The following RAB44 variants were observed in gnomAD, a reference collection of about 807,000 sequenced individuals.
RAB44 encodes the protein RAB44, member RAS oncogene family.
RAB44 carries 67 observed loss-of-function variants against 93.3 expected under a neutral mutation model. That is an observed-to-expected ratio of 0.72 (90% confidence interval 0.59 to 0.88). The LOEUF is 0.88. Among genes scored for constraint, RAB44 ranks in the 40% least tolerant of loss-of-function variants. The pLI, the probability that RAB44 is intolerant of heterozygous loss-of-function variation, is 0.00. For missense variants in RAB44, 1,064 were observed against 1,261.7 expected, an observed-to-expected ratio of 0.84 and a Z score of 2.37; for synonymous variants, 427 against 520.3, an observed-to-expected ratio of 0.82 and a Z score of 2.44.
At chr6:36,720,061 C>A (rs770148403) in intron 7 of RAB44, among the ~76,000 whole-genome samples, 1 of 152,168 alleles carries the variant, frequency 6.6e-6, no homozygotes, top group Non-Finnish European at 1.5e-5. Flanking sequence ...CACTGTAGGG[C>A]GCTGAGTAGA....
intron 2 of RAB44, among the ~76,000 whole-genome samples, chr6:36,706,247 T>G (rs1762647935): frequency 6.6e-6 from 1 of 152,162 alleles, no homozygotes; most frequent in African/African-American, 2.4e-5. Context: ...AGTGACCAAC[T>G]GCTCCAGTTT....
intron 2 of RAB44, among the ~76,000 whole-genome samples, chr6:36,710,860 G>A (rs1224684804): frequency 6.6e-6 from 1 of 152,160 alleles, no homozygotes; most frequent in Admixed American, 6.5e-5. Context: ...CTGACCTCAG[G>A]TGATCCACTT....
At chr6:36,704,702 T>A (rs1260989976) in intron 2 of RAB44, among the ~76,000 whole-genome samples, 1 of 152,230 alleles carries the variant, frequency 6.6e-6, no homozygotes, top group Non-Finnish European at 1.5e-5. Context: ...ATGGTATAAT[T>A]TTAGACTCAT....
chr6:36,722,476 C>T lies in RAB44; in HGVS notation c.2342C>T (p.Thr781Ile). Residue 781 changes from threonine to isoleucine, a missense_variant, in exon 9 of 14, where the codon ACT (threonine) becomes ATT (isoleucine). Physicochemically the swap from Thr to Ile is moderately conservative, Grantham distance 89. Coordinates refer to ENST00000612677, the MANE Select transcript of RAB44 (RefSeq NM_001257357.2). ...QEAQPRPSLT[T>I]AHAEEQGPPH... ...GCCCAACCCAGGCCATCCCTCACGA[C>T]TGCTCACGCAGAAGAACAAGGCCCG... is the stretch of plus-strand genomic sequence containing the variant. 1.4e-6 allele frequency: 2 copies of T among 1,470,146 alleles called. No individual in the cohort carries two copies. Among genetic ancestry groups the T allele is most frequent in the Non-Finnish European group, 1.8e-6 (2 of 1,112,122 alleles). 91.1% of individuals were successfully genotyped at this position (1,470,146 alleles called of 1,614,324 possible).
rs1762962752 is a variant in RAB44, at chr6:36,717,805, C to T, written c.642-223C>T. 6.6e-6 allele frequency among the ~76,000 whole-genome samples: 1 copy of T among 152,060 alleles called. No homozygotes were observed. The highest frequency in any genetic ancestry group is 2.1e-4 in the South Asian group (1 of 4,810). On this transcript the variant is annotated intron_variant, in intron 5 of 13. Coordinates refer to ENST00000612677, the MANE Select transcript of RAB44 (RefSeq NM_001257357.2). This position sits in a 1 kb window ranked among gnomAD's most constrained non-coding sequence, Gnocchi z 4.1. ...TGGCCAGGGGAACTGGTGACGGTTA[C>T]AAGGGTCGGCGTGGTAGGATCAGCA...
chr6:36,725,238 C>T (rs1045259862), intron 9 of RAB44, among the ~76,000 whole-genome samples: 26 of 152,186 alleles, frequency 1.7e-4, no homozygotes, highest in Admixed American at 2.6e-4. Context: ...TGCAGCTGCG[C>T]GATCTCGGCT....
intron 12 of RAB44, among the ~76,000 whole-genome samples, chr6:36,729,226 T>G (rs1395089037): frequency 6.6e-6 from 1 of 152,182 alleles, no homozygotes; most frequent in Non-Finnish European, 1.5e-5. Flanking sequence ...ACTCAAATTC[T>G]CCCTTGGGAT....
In RAB44 at chr6:36,714,071, A is replaced by G. The variant is rs1582624089; in HGVS notation, c.319+132A>G. ...TTCACCCCCCATCCCCGGCTGCCAC[A>G]GTGGTCCGGGGCCCTCCCCTGTGCA... On this transcript the variant is annotated intron_variant, in intron 3 of 13. Coordinates refer to ENST00000612677, the MANE Select transcript of RAB44 (RefSeq NM_001257357.2). 4 of 655,046 alleles carry G rather than the reference A, an allele frequency of 6.1e-6. No individual in the cohort carries two copies. The East Asian group carries it at 8.3e-5, about 14-fold the overall frequency. 40.6% of individuals were successfully genotyped at this position (655,046 alleles called of 1,614,324 possible).
At chr6:36,715,118 T>TATATATATA (rs1562058557) in intron 3 of RAB44, among the ~76,000 whole-genome samples, 1 of 151,614 alleles carries the variant, frequency 6.6e-6, no homozygotes, top group African/African-American at 2.4e-5. Flanking sequence ...TATATATATA[T>TATATATATA]TCTTTTCAAC....
In RAB44 at chr6:36,720,505, A is replaced by G; in HGVS notation, c.971A>G (p.Asp324Gly). The change falls in exon 8 of 14, where the codon GAC becomes GGC. Residue 324 changes from aspartate to glycine, a missense_variant. Coordinates refer to ENST00000612677, the MANE Select transcript of RAB44 (RefSeq NM_001257357.2). Reference protein sequence around the residue: ...GQLQVTRGRLDAARGRVSWQV... With the variant: ...GQLQVTRGRLGAARGRVSWQV... Reference sequence around the variant, plus strand: ...CTGCAGGTGACCAGGGGGCGCCTGGACGCCGCCAGGGGCCGGGTGTCCTGG... The same window carrying G: ...CTGCAGGTGACCAGGGGGCGCCTGGGCGCCGCCAGGGGCCGGGTGTCCTGG... 1.6e-6 allele frequency: 2 copies of G among 1,233,462 alleles called. No individual in the cohort carries two copies. The highest frequency in any genetic ancestry group is 2.0e-6 in the Non-Finnish European group (2 of 988,220). The allele number at this position is 1,233,462 out of a possible 1,614,324, so 76.4% of individuals were successfully genotyped here. A position where few individuals can be genotyped will look rare whatever the true frequency, so the allele number is the denominator to read the frequency against.
At chr6:36,701,094 C>T (rs954894407) in intron 1 of RAB44, among the ~76,000 whole-genome samples, 1 of 152,088 alleles carries the variant, frequency 6.6e-6, no homozygotes, top group Non-Finnish European at 1.5e-5. Flanking sequence ...GGCTTTTTTG[C>T]CTCCCTGCTT....
chr6:36,701,405 G>C (rs1762505227), intron 1 of RAB44, among the ~76,000 whole-genome samples: 1 of 152,156 alleles, frequency 6.6e-6, no homozygotes, highest in Non-Finnish European at 1.5e-5. Context: ...ACTGTGTCTG[G>C]CCGTGATATT....
chr6:36,700,894 G>A (rs934322966), intron 1 of RAB44, among the ~76,000 whole-genome samples: 2 of 152,228 alleles, frequency 1.3e-5, no homozygotes, highest in African/African-American at 4.8e-5. Flanking sequence ...TAGGGGGGAT[G>A]GGGAATGGAG....
At position 36,722,383 on chromosome 6, in the gene RAB44, C is replaced by G. The variant is rs1763113264; in HGVS notation, c.2249C>G (p.Ala750Gly). 1 of 1,369,588 alleles carries G rather than the reference C, an allele frequency of 7.3e-7. No homozygotes were observed. The allele number at this position is 1,369,588 out of a possible 1,614,324, so 84.8% of individuals were successfully genotyped here. Residue 750 changes from alanine to glycine, a missense_variant, in exon 9 of 14, where the codon GCT (alanine) becomes GGT (glycine). Coordinates refer to ENST00000612677, the MANE Select transcript of RAB44 (RefSeq NM_001257357.2). ...CCAAGGGGCTCTCCTCCCAGGGGGG[C>G]TCAGCCTGGGGCTGGAGCAGGACCC... ...APPRGSPPRGAQPGAGAGPQE... is the reference protein window; with the variant it reads ...APPRGSPPRGGQPGAGAGPQE...
Position 36,725,951 on chromosome 6 carries a change from G to C in RAB44, c.2681+8G>C, listed in dbSNP as rs1334178065. 2 of 1,548,384 alleles carry C rather than the reference G, an allele frequency of 1.3e-6. No individual in the cohort carries two copies. The highest frequency in any genetic ancestry group is 1.4e-5 in the African/African-American group (1 of 72,976). On this transcript the variant is annotated splice_region_variant and intron_variant, in intron 10 of 13. Transcript: ENST00000612677. ...CACAGCTGGCCAAGAGAGGTAACAG[G>C]CACTGTATATCAGTGTGTCAGGAAC...
intron 1 of RAB44, among the ~76,000 whole-genome samples, chr6:36,699,484 A>G (rs1762462057): frequency 6.6e-6 from 1 of 152,124 alleles, no homozygotes; most frequent in East Asian, 1.9e-4. Flanking sequence ...TGTTAGCTCC[A>G]TTGCCGGAAG....
chr6:36,702,855 G>A (rs989290114), intron 1 of RAB44, among the ~76,000 whole-genome samples: 1 of 152,176 alleles, frequency 6.6e-6, no homozygotes, highest in Non-Finnish European at 1.5e-5. Context: ...CTTATCAATT[G>A]ACTGAACTAA....
chr6:36,719,152 G>A (rs897278814), intron 7 of RAB44, among the ~76,000 whole-genome samples: 3 of 152,178 alleles, frequency 2.0e-5, no homozygotes, highest in Non-Finnish European at 1.5e-5. Flanking sequence ...TGTGATCAGC[G>A]CCCCATTATC....
chr6:36,714,400 G>A (rs1349260648), intron 3 of RAB44, among the ~76,000 whole-genome samples: 4 of 152,166 alleles, frequency 2.6e-5, no homozygotes, highest in Admixed American at 6.5e-5. Context: ...CAATCCTCCC[G>A]CTAATCCTCT....
Sources: gnomAD v4.1 joint callset for allele counts (sites outside exome capture counted in the v4.1 genomes callset) on GRCh38, gnomAD v4.1.1 for gene constraint, Gnocchi (gnomAD v3.1) non-coding constraint, MANE v1.5 for transcripts, NCBI Gene and HGNC (gene_info 2026-07-23, HGNC 2026-07-21) for gene names.